Variants in ACKR2 observed in about 807,000 individuals in gnomAD.
ACKR2 encodes C-C chemokine receptor D6.
For missense variants in ACKR2, 457 were observed against 477.3 expected, an observed-to-expected ratio of 0.96 and a Z score of 0.40; for synonymous variants, 207 against 192.2, an observed-to-expected ratio of 1.08 and a Z score of -0.64.
At chr3:42,827,203 G>GTGGA (rs1700877022) in intron 2 of ACKR2, among the ~76,000 whole-genome samples, 1 of 152,176 alleles carries the variant, frequency 6.6e-6, no homozygotes, top group African/African-American at 2.4e-5. Flanking sequence ...CAGTTGTTGG[G>GTGGA]TGGAGTGTCT....
intron 2 of ACKR2, among the ~76,000 whole-genome samples, chr3:42,846,304 C>T (rs1701096696): frequency 6.6e-6 from 1 of 152,190 alleles, no homozygotes; most frequent in African/African-American, 2.4e-5. Context: ...CAGTTCTCAA[C>T]TGTTGATTAG....
intron 2 of ACKR2, among the ~76,000 whole-genome samples, chr3:42,828,094 T>TATATATATATA (rs533091556): frequency 2.1e-4 from 15 of 71,524 alleles, no homozygotes; most frequent in African/African-American, 5.8e-4. Context: ...ATATATATAT[T>TATATATATATA]TTTTTTTTTT....
Position 42,864,875 on chromosome 3 carries a change from A to G in ACKR2, c.373A>G (p.Thr125Ala), listed in dbSNP as rs561565825. The change falls in exon 3 of 3, where the codon ACT becomes GCT. Residue 125 changes from threonine to alanine, a missense_variant. Coordinates refer to ENST00000422265, the MANE Select transcript of ACKR2 (RefSeq NM_001296.5). ...GTGCAAGATGGTGAGCACTCTTTAT[A>G]CTATTAACTTTTACAGTGGCATCTT... ...FLCKMVSTLY[T>A]INFYSGIFFI... 8 of 1,613,886 alleles carry G rather than the reference A, an allele frequency of 5.0e-6. No homozygotes were observed. The East Asian group carries it at 1.6e-4, about 31-fold the overall frequency.
At chr3:42,817,431 C>T (rs1010728087) in intron 1 of ACKR2, among the ~76,000 whole-genome samples, 5 of 152,114 alleles carry the variant, frequency 3.3e-5, no homozygotes, top group East Asian at 1.9e-4. Context: ...ACCCTACCTG[C>T]GTCTCCATCA....
At chr3:42,830,283 AT>A (rs1055784162) in intron 2 of ACKR2, among the ~76,000 whole-genome samples, 5 of 151,696 alleles carry the variant, frequency 3.3e-5, no homozygotes, top group Admixed American at 6.6e-5. Context: ...TATTTATTTA[AT>A]TTTTTTTTAA....
At chr3:42,830,465 C>T (rs919935141) in intron 2 of ACKR2, among the ~76,000 whole-genome samples, 4 of 152,068 alleles carry the variant, frequency 2.6e-5, no homozygotes, top group Non-Finnish European at 5.9e-5. Context: ...TAATGCAACC[C>T]CTAAAAGTGG....
chr3:42,812,025 C>T (rs2125600751), intron 1 of ACKR2, among the ~76,000 whole-genome samples: 1 of 152,318 alleles, frequency 6.6e-6, no homozygotes, highest in African/African-American at 2.4e-5. Flanking sequence ...GCTGAAGGAA[C>T]TCAGAGACCG....
chr3:42,865,325 C>T lies in ACKR2; in HGVS notation c.823C>T (p.Leu275=). 3 of 1,614,232 alleles carry T rather than the reference C, an allele frequency of 1.9e-6. No homozygotes were observed. The highest frequency in any genetic ancestry group is 2.5e-6 in the Non-Finnish European group (3 of 1,180,042). The part of the protein sequence containing the change: ...PYNLTLFLHT[L]LDLQVFGNCE... ...CAATCTCACCTTGTTTCTGCATACG[C>T]TGTTGGACCTGCAAGTATTCGGGAA... is the stretch of plus-strand genomic sequence containing the variant. The change falls in exon 3 of 3, where the codon CTG becomes TTG. Residue 275 remains leucine (L), a synonymous_variant. Coordinates refer to ENST00000422265, the MANE Select transcript of ACKR2 (RefSeq NM_001296.5).
intron 2 of ACKR2, among the ~76,000 whole-genome samples, chr3:42,838,475 G>A (rs904622278): frequency 6.6e-6 from 1 of 152,150 alleles, no homozygotes; most frequent in African/African-American, 2.4e-5. Context: ...ATAAGGAAAT[G>A]CAAACTGAAA....
intron 1 of ACKR2, among the ~76,000 whole-genome samples, chr3:42,813,209 G>A (rs993537270): frequency 3.3e-5 from 5 of 152,150 alleles, no homozygotes; most frequent in Middle Eastern, 3.4e-3. Context: ...AGTATGTTTT[G>A]GGTTTGTTTT....
In ACKR2 at chr3:42,854,368, T is replaced by C. The variant is rs550538190; in HGVS notation, c.-37-10098T>C. Among the ~76,000 whole-genome samples, 18 of 152,312 alleles carry C rather than the reference T, an allele frequency of 1.2e-4. No homozygotes were observed. The South Asian group carries it at 2.9e-3, about 25-fold the overall frequency. ...TGTTTAATGCCTCCCAGATGCCATA[T>C]GACTGGCTCTCAGCACACCACTGGC... On this transcript the variant is annotated intron_variant, in intron 2 of 2. Transcript: ENST00000422265.
intron 2 of ACKR2, chr3:42,851,036 A>G (rs1040527125): frequency 1.3e-5 from 2 of 152,212 alleles, no homozygotes; most frequent in Non-Finnish European, 2.9e-5. Context: ...GCTGAAGGTG[A>G]TGTTGGGAAG....
chr3:42,850,075 C>T (rs1007622102), intron 2 of ACKR2, among the ~76,000 whole-genome samples: 4 of 151,974 alleles, frequency 2.6e-5, no homozygotes, highest in Non-Finnish European at 5.9e-5. Context: ...AAAAGGAGCC[C>T]AGGTCCTAGA....
chr3:42,859,050 T>C (rs1376462305), intron 2 of ACKR2, among the ~76,000 whole-genome samples: 1 of 152,142 alleles, frequency 6.6e-6, no homozygotes, highest in African/African-American at 2.4e-5. Context: ...CTACGTTTGA[T>C]TGGTGTACCT....
rs372734430 is a variant in ACKR2 at position 42,865,254 on chromosome 3, T to C, written c.752T>C (p.Ile251Thr). Residue 251 changes from isoleucine (I) to threonine (T), a missense_variant, in exon 3 of 3, where the codon ATA becomes ACA. Physicochemically the swap from Ile to Thr is moderately conservative, Grantham distance 89. Transcript: ENST00000422265. ...GCAGGCCAGGGCCGGGCTTTAAAAA[T>C]AGCTGCAGCCTTGGTGGTGGCCTTC... ...RPAGQGRALK[I>T]AAALVVAFFV... 22 of 1,614,096 alleles carry C rather than the reference T, an allele frequency of 1.4e-5. No homozygotes were observed. In the African/African-American group the frequency reaches 1.7e-4, roughly 13 times the overall value.
intron 2 of ACKR2, among the ~76,000 whole-genome samples, chr3:42,860,985 T>C (rs2088379269): frequency 1.3e-5 from 2 of 151,976 alleles, no homozygotes; most frequent in Non-Finnish European, 2.9e-5. Context: ...ATTCAAAAGC[T>C]AGCAGAAGAC....
At chr3:42,851,422 G>A (rs1575389001) in intron 2 of ACKR2, 21 of 985,488 alleles carry the variant, frequency 2.1e-5, no homozygotes, top group Non-Finnish European at 2.5e-5. Context: ...CAGGCTTGTG[G>A]TGGACATTCT....
At chr3:42,832,322 C>T (rs1700939200) in intron 2 of ACKR2, among the ~76,000 whole-genome samples, 1 of 151,952 alleles carries the variant, frequency 6.6e-6, no homozygotes, top group African/African-American at 2.4e-5. Context: ...GGACCTGTCT[C>T]TAATAAAAAT....
chr3:42,843,082 A>G (rs1701057289), intron 2 of ACKR2, among the ~76,000 whole-genome samples: 2 of 145,310 alleles, frequency 1.4e-5, no homozygotes, highest in Non-Finnish European at 3.0e-5. Flanking sequence ...ATTATTCATT[A>G]TTTTTTGAGA....
Sources: gnomAD v4.1 joint callset for allele counts (sites outside exome capture counted in the v4.1 genomes callset) on GRCh38, gnomAD v4.1.1 for gene constraint, MANE v1.5 for transcripts, NCBI Gene and HGNC (gene_info 2026-07-23, HGNC 2026-07-21) for gene names.